ERC2: variants seen among roughly 807,000 people sequenced by gnomAD.
ERC2 encodes the protein ELKS/RAB6-interacting/CAST family member 2.
Under a neutral mutation model 114.8 loss-of-function variants are expected in ERC2, and 42 were observed. The ratio of observed to expected loss-of-function variants is 0.37; its 90% CI spans 0.29 to 0.47. The LOEUF is 0.47. ERC2 is among the 20% of genes least tolerant of loss of function. The probability of loss-of-function intolerance (pLI) is 0.99; values close to 1 mark genes in which losing one functional copy is unlikely to be tolerated. For missense variants in ERC2, 939 were observed against 1,150.7 expected (o/e 0.82, Z 2.66); for synonymous variants, 454 against 425.5 (o/e 1.07, Z -0.82).
chr3:56,004,763 T>G (rs974903733), intron 10 of ERC2, among the ~76,000 whole-genome samples: 1 of 152,054 alleles, frequency 6.6e-6, no homozygotes, highest in Non-Finnish European at 1.5e-5. Context: ...GGTGTATTTA[T>G]GACATAATAA....
intron 17 of ERC2, among the ~76,000 whole-genome samples, chr3:55,619,932 G>A (rs1190432224): frequency 6.6e-6 from 1 of 152,070 alleles, no homozygotes; most frequent in African/African-American, 2.4e-5. Flanking sequence ...GCCTCTCTAG[G>A]GGTTTCAATC....
At chr3:55,519,332 A>G (rs1272716712) in intron 17 of ERC2, among the ~76,000 whole-genome samples, 1 of 152,192 alleles carries the variant, frequency 6.6e-6, no homozygotes, top group Non-Finnish European at 1.5e-5. Flanking sequence ...CTCCATGAGA[A>G]AGGGGATACT....
chr3:55,890,088 G>C (rs765519382), intron 13 of ERC2, among the ~76,000 whole-genome samples: 1 of 152,176 alleles, frequency 6.6e-6, no homozygotes, highest in Non-Finnish European at 1.5e-5. Flanking sequence ...TAACTGTAGA[G>C]TAAATTGAAT....
chr3:55,883,307 T>C (rs2063197974), intron 14 of ERC2, among the ~76,000 whole-genome samples: 2 of 152,168 alleles, frequency 1.3e-5, no homozygotes, highest in South Asian at 4.1e-4. Context: ...GCATTTAAAA[T>C]AAGAGAAGCC....
chr3:56,251,949 A>C (rs1337924963), intron 3 of ERC2, among the ~76,000 whole-genome samples: 2 of 152,194 alleles, frequency 1.3e-5, no homozygotes, highest in African/African-American at 4.8e-5. Flanking sequence ...GGCCCCAGTA[A>C]TTGAAGTAAC....
In ERC2 at chr3:55,682,750, C is replaced by T. The variant is rs74587618; in HGVS notation, c.*39+1044G>A. On this transcript the variant is annotated intron_variant, in intron 17 of 17. Transcript: ENST00000288221. ...AGAATAAAGAGCTATAGATTGAATA[C>T]TTTCTGATCAGAAAAAAATCACCAT... is the stretch of plus-strand genomic sequence containing the variant. Among the ~76,000 whole-genome samples, 4 of 152,336 alleles carry T rather than the reference C, an allele frequency of 2.6e-5. No individual in the cohort carries two copies. In the East Asian group the frequency reaches 7.7e-4, roughly 29 times the overall value.
chr3:56,128,798 C>A (rs1343042324), intron 6 of ERC2, among the ~76,000 whole-genome samples: 1 of 152,138 alleles, frequency 6.6e-6, no homozygotes, highest in African/African-American at 2.4e-5. Flanking sequence ...ATTGCTGGGG[C>A]TGGGCAAAGG....
At chr3:55,742,310 G>T (rs1032758862) in intron 14 of ERC2, among the ~76,000 whole-genome samples, 4 of 152,158 alleles carry the variant, frequency 2.6e-5, no homozygotes, top group Admixed American at 1.3e-4. Flanking sequence ...CCCCATTGCT[G>T]TCGTTCTATT....
At chr3:56,249,160 T>C (rs1214840071) in intron 3 of ERC2, among the ~76,000 whole-genome samples, 4 of 152,216 alleles carry the variant, frequency 2.6e-5, no homozygotes, top group Non-Finnish European at 4.4e-5. Context: ...TCTTGCTACA[T>C]TGTGGCCACT....
intron 12 of ERC2, among the ~76,000 whole-genome samples, chr3:55,966,001 C>T (rs543801315): frequency 6.6e-6 from 1 of 152,316 alleles, no homozygotes; most frequent in South Asian, 2.1e-4. Context: ...CCAAAATCCA[C>T]CGCTAAAATG....
chr3:55,521,046 C>G (rs1226358184), intron 17 of ERC2, among the ~76,000 whole-genome samples: 1 of 152,202 alleles, frequency 6.6e-6, no homozygotes, highest in Non-Finnish European at 1.5e-5. Flanking sequence ...GTGTTTACAA[C>G]AGGATCTTCA....
At chr3:56,196,079 C>T (rs1401501532) in intron 3 of ERC2, among the ~76,000 whole-genome samples, 1 of 152,048 alleles carries the variant, frequency 6.6e-6, no homozygotes, top group Non-Finnish European at 1.5e-5. Context: ...CTAAAAATTA[C>T]TGTTCTAGGT....
rs780906627 is a variant in ERC2, at chr3:55,641,213, G to A, written c.*39+42581C>T. Among the ~76,000 whole-genome samples, 35 of 152,168 alleles carry A rather than the reference G, an allele frequency of 2.3e-4. 1 individual carries two copies. Among genetic ancestry groups the A allele is most frequent in the Non-Finnish European group, 4.4e-4 (30 of 68,020 alleles). ...ATGCCATTGTTTTTAGCCCCTAGAT[G>A]CAGCCATACCTGAAGTCATTATACC... is the stretch of plus-strand genomic sequence containing the variant. On this transcript the variant is annotated intron_variant, in intron 17 of 17. Transcript: ENST00000288221.
chr3:56,003,995 ACTTTG>A (rs1318268124), intron 10 of ERC2, among the ~76,000 whole-genome samples: 2 of 152,042 alleles, frequency 1.3e-5, no homozygotes, highest in Non-Finnish European at 2.9e-5. Flanking sequence ...AGAAACTGTT[ACTTTG>A]CTTTAAGCTA....
chr3:55,535,532 ATGACTGGTG>A (rs1283073527), intron 17 of ERC2, among the ~76,000 whole-genome samples: 2 of 152,204 alleles, frequency 1.3e-5, no homozygotes, highest in Non-Finnish European at 2.9e-5. Context: ...TGAGGTTCTG[ATGACTGGTG>A]TGAGCCACCG....
At chr3:56,274,013 A>G (rs1299165725) in intron 3 of ERC2, among the ~76,000 whole-genome samples, 1 of 152,196 alleles carries the variant, frequency 6.6e-6, no homozygotes, top group Non-Finnish European at 1.5e-5. Context: ...GTCTCTTGGT[A>G]TAGATGAGGA....
chr3:55,694,847 C>T (rs1041180476), intron 16 of ERC2, among the ~76,000 whole-genome samples: 2 of 152,184 alleles, frequency 1.3e-5, no homozygotes, highest in African/African-American at 2.4e-5. Context: ...AATGTGAGTC[C>T]TAGATGCACA....
At chr3:56,151,076 C>T (rs139645386) in intron 4 of ERC2, among the ~76,000 whole-genome samples, 106 of 152,228 alleles carry the variant, frequency 7.0e-4, no homozygotes, top group African/African-American at 2.4e-3. Context: ...CTTCTAGCCT[C>T]CAGAACTGTG....
At chr3:56,254,143 T>C (rs1312510286) in intron 3 of ERC2, among the ~76,000 whole-genome samples, 2 of 152,230 alleles carry the variant, frequency 1.3e-5, no homozygotes, top group East Asian at 3.9e-4. Context: ...AGAGCTGGCT[T>C]GTAATTGCTT....
Sources: allele counts gnomAD v4.1 joint callset (sites outside exome capture counted in the v4.1 genomes callset), GRCh38; gene constraint gnomAD v4.1.1; transcripts MANE v1.5; gene names NCBI Gene and HGNC (gene_info 2026-07-23, HGNC 2026-07-21).